The following MGAT4A variants were observed in gnomAD, a reference collection of about 807,000 sequenced individuals.
The protein encoded by MGAT4A is alpha-1,3-mannosyl-glycoprotein 4-beta-N-acetylglucosaminyltransferase A, also known as N-acetylglucosaminyltransferase IVa.
MGAT4A carries 33 observed loss-of-function variants against 74.1 expected under a neutral mutation model. The observed-to-expected ratio is 0.45, with a 90% confidence interval of 0.34 to 0.60. The LOEUF is 0.60. Among genes scored for constraint, MGAT4A ranks in the 20% least tolerant of loss-of-function variants. MGAT4A has a pLI of 0.02. For missense variants in MGAT4A, 479 were observed against 628.3 expected, an observed-to-expected ratio of 0.76 and a Z score of 2.54; for synonymous variants, 198 against 210.4, an observed-to-expected ratio of 0.94 and a Z score of 0.51.
Position 98,648,122 on chromosome 2 carries a change from A to C in MGAT4A, c.775-2580T>G, listed in dbSNP as rs370563513. ...ACAATGAACTCACTGAGAGAATTCC[A>C]CATAATAAGCGTATGTGAAGACTTG... On this transcript the variant is annotated intron_variant, in intron 8 of 15. Coordinates refer to ENST00000393487, the MANE Select transcript of MGAT4A (RefSeq NM_012214.3). Among the ~76,000 whole-genome samples the C allele has an allele frequency of 1.6e-4, 24 of 152,334 alleles. 1 individual carries two copies. The highest frequency in any genetic ancestry group is 5.8e-4 in the African/African-American group (24 of 41,576).
At chr2:98,649,551 G>T (rs1306900388) in intron 8 of MGAT4A, among the ~76,000 whole-genome samples, 1 of 152,102 alleles carries the variant, frequency 6.6e-6, no homozygotes, top group Non-Finnish European at 1.5e-5. Flanking sequence ...CACCAGGTTG[G>T]GAGCTAAGAA....
At chr2:98,680,275 C>A (rs1330015719) in intron 2 of MGAT4A, among the ~76,000 whole-genome samples, 1 of 152,146 alleles carries the variant, frequency 6.6e-6, no homozygotes, top group Non-Finnish European at 1.5e-5. Context: ...AACTCCTGAC[C>A]TCAGGTGATC....
At chr2:98,695,893 T>G (rs1349191956) in intron 2 of MGAT4A, among the ~76,000 whole-genome samples, 1 of 151,560 alleles carries the variant, frequency 6.6e-6, no homozygotes, top group Non-Finnish European at 1.5e-5. Context: ...TTTTTTTTTT[T>G]TTTGAGACAG....
intron 2 of MGAT4A, among the ~76,000 whole-genome samples, chr2:98,702,490 G>C (rs1303926160): frequency 6.6e-6 from 1 of 152,216 alleles, no homozygotes; most frequent in Admixed American, 6.5e-5. Context: ...TGGAGGCTCT[G>C]AGCATGCACA....
chr2:98,691,533 G>T (rs1009266874), intron 2 of MGAT4A, among the ~76,000 whole-genome samples: 4 of 152,186 alleles, frequency 2.6e-5, no homozygotes, highest in African/African-American at 9.7e-5. Flanking sequence ...TGACTCACAT[G>T]GATGTGGTGA....
chr2:98,651,683 A>T (rs568426489), intron 8 of MGAT4A, among the ~76,000 whole-genome samples: 1 of 152,346 alleles, frequency 6.6e-6, no homozygotes, highest in East Asian at 1.9e-4. Flanking sequence ...ACAAAAAAAT[A>T]AAGTAAATGG....
intron 2 of MGAT4A, among the ~76,000 whole-genome samples, chr2:98,679,422 A>AG (rs1412289611): frequency 6.7e-6 from 1 of 149,098 alleles, no homozygotes; most frequent in East Asian, 1.9e-4. Flanking sequence ...AAAAAAAAAA[A>AG]AAAAAAAGAG....
chr2:98,667,168 T>G (rs963037553), intron 4 of MGAT4A, among the ~76,000 whole-genome samples: 6 of 152,220 alleles, frequency 3.9e-5, no homozygotes, highest in African/African-American at 7.2e-5. Context: ...TTGTGAGGCC[T>G]CCCTAGCCAC....
chr2:98,683,636 A>G (rs898900905), intron 2 of MGAT4A, among the ~76,000 whole-genome samples: 6 of 152,110 alleles, frequency 3.9e-5, no homozygotes, highest in Admixed American at 3.3e-4. Flanking sequence ...CCTGAGTGGT[A>G]GAAAGGGATA....
chr2:98,653,930 T>C (rs988136953), intron 8 of MGAT4A, among the ~76,000 whole-genome samples: 3 of 152,070 alleles, frequency 2.0e-5, no homozygotes, highest in Admixed American at 1.3e-4. Context: ...CAAATGGAAT[T>C]AAAATGCACA....
At chr2:98,667,132 T>G (rs1428186533) in intron 4 of MGAT4A, among the ~76,000 whole-genome samples, 1 of 152,116 alleles carries the variant, frequency 6.6e-6, no homozygotes, top group African/African-American at 2.4e-5. Context: ...AAGATGTGAC[T>G]TGCTCCTCCT....
chr2:98,705,965 A>G (rs1233724209), intron 2 of MGAT4A, among the ~76,000 whole-genome samples: 7 of 151,556 alleles, frequency 4.6e-5, no homozygotes, highest in African/African-American at 1.7e-4. Flanking sequence ...AAAAAAAAAA[A>G]AAAAAAGAAA....
chr2:98,661,227 G>A (rs985835124), intron 5 of MGAT4A, among the ~76,000 whole-genome samples: 2 of 152,108 alleles, frequency 1.3e-5, no homozygotes, highest in African/African-American at 4.8e-5. Context: ...ACATCTGTCA[G>A]GATGGCTAAC....
chr2:98,630,689 C>T (rs72825718), intron 14 of MGAT4A, among the ~76,000 whole-genome samples: 27,012 of 151,994 alleles, frequency 0.18, 2,596 homozygotes, highest in Middle Eastern at 0.24. Flanking sequence ...TTGTGTGTGA[C>T]GATGTGTTGT....
intron 2 of MGAT4A, among the ~76,000 whole-genome samples, chr2:98,716,426 T>C (rs1425406414): frequency 3.3e-5 from 5 of 152,240 alleles, no homozygotes; most frequent in Non-Finnish European, 5.9e-5. Context: ...GAGACCAGCC[T>C]GGACAACATA....
At chr2:98,639,197 G>A (rs1701366638) in intron 12 of MGAT4A, among the ~76,000 whole-genome samples, 1 of 151,854 alleles carries the variant, frequency 6.6e-6, no homozygotes, top group Non-Finnish European at 1.5e-5. Context: ...TGAGGCAGGA[G>A]AATCTTTTGA....
intron 6 of MGAT4A, 54 bp downstream of exon 6, chr2:98,658,164 C>T (rs1701686062): frequency 1.7e-6 from 2 of 1,162,674 alleles, no homozygotes; most frequent in African/African-American, 3.2e-5. Flanking sequence ...GCAAGAAACC[C>T]AAGAGATAAT....
rs115110997 is a variant in MGAT4A, at chr2:98,713,892, G to A, written c.94+12347C>T. Among the ~76,000 whole-genome samples, 800 of 152,286 alleles carry A rather than the reference G, an allele frequency of 5.3e-3. 7 individuals are homozygous for A. Among genetic ancestry groups the A allele is most frequent in the African/African-American group, 0.018 (759 of 41,544 alleles). ...ATAAATAACATAACCACACGGAAGA[G>A]GAAGTGACTAAAATGTAACCTAAGT... is the stretch of plus-strand genomic sequence containing the variant. On this transcript the variant is annotated intron_variant, in intron 2 of 15. Coordinates refer to ENST00000393487, the MANE Select transcript of MGAT4A (RefSeq NM_012214.3).
At chr2:98,638,842 G>C (rs1323697904) in intron 12 of MGAT4A, among the ~76,000 whole-genome samples, 1 of 152,130 alleles carries the variant, frequency 6.6e-6, no homozygotes, top group African/African-American at 2.4e-5. Flanking sequence ...AATGATTTCT[G>C]GTGGATTCTA....
Sources: allele counts gnomAD v4.1 joint callset (sites outside exome capture counted in the v4.1 genomes callset), GRCh38; gene constraint gnomAD v4.1.1; transcripts MANE v1.5; gene names NCBI Gene and HGNC (gene_info 2026-07-23, HGNC 2026-07-21).